The following CDH7 variants were observed in gnomAD, a reference collection of about 807,000 sequenced individuals.
CDH7 encodes cadherin-7.
Under a neutral mutation model 71.8 loss-of-function variants are expected in CDH7, and 25 were observed. The ratio of observed to expected loss-of-function variants is 0.35; its 90% CI spans 0.25 to 0.49. CDH7 has a LOEUF of 0.49. Among genes scored for constraint, CDH7 ranks in the 20% least tolerant of loss-of-function variants. The pLI, the probability that CDH7 is intolerant of heterozygous loss-of-function variation, is 0.99. For missense variants in CDH7, 862 were observed against 974.6 expected (o/e 0.88, Z 1.54); for synonymous variants, 381 against 363.8 (o/e 1.05, Z -0.54).
At chr18:65,781,819 C>CTTCCTTCCTTCCTTCT (rs1491280674) in intron 2 of CDH7, among the ~76,000 whole-genome samples, 1 of 43,924 alleles carries the variant, frequency 2.3e-5, no homozygotes, top group East Asian at 8.6e-4. Context: ...TCCTTCCTTC[C>CTTCCTTCCTTCCTTCT]TTCTTTCTTT....
chr18:65,755,272 A>T (rs916201192), intron 1 of CDH7, among the ~76,000 whole-genome samples: 1 of 152,174 alleles, frequency 6.6e-6, no homozygotes, highest in East Asian at 1.9e-4. Context: ...TTTCACTGGG[A>T]ATCTGTAGAT....
At chr18:65,811,789 G>A (rs2143911615) in intron 3 of CDH7, among the ~76,000 whole-genome samples, 1 of 152,036 alleles carries the variant, frequency 6.6e-6, no homozygotes, top group South Asian at 2.1e-4. Context: ...ATAGATATGT[G>A]AACTTTTTGT....
In CDH7 at chr18:65,822,135, T is replaced by C; in HGVS notation, c.680T>C (p.Leu227Ser). Residue 227 changes from leucine to serine, a missense_variant, in exon 5 of 12, where the codon TTG (leucine) becomes TCG (serine). Physicochemically the swap from Leu to Ser is moderately radical, Grantham distance 145. Coordinates refer to ENST00000397968, the MANE Select transcript of CDH7 (RefSeq NM_004361.5). The stretch of plus-strand genomic sequence containing the variant: ...GATAGAGAGGCTAAAGACCAGTATT[T>C]GCTTGTCATTCAGGCAAAGGATATG... Reference protein sequence around the residue: ...NMDREAKDQYLLVIQAKDMVG... With the variant: ...NMDREAKDQYSLVIQAKDMVG... 6.2e-7 allele frequency: 1 copy of C among 1,613,070 alleles called. No individual in the cohort carries two copies. The highest frequency in any genetic ancestry group is 8.5e-7 in the Non-Finnish European group (1 of 1,179,124).
chr18:65,781,772 TTCC>T lies in CDH7; in HGVS notation c.210+18722_210+18724del, dbSNP rs1910206281. Among the ~76,000 whole-genome samples, 711 of 75,626 alleles carry T rather than the reference TTCC, an allele frequency of 9.4e-3. 39 individuals are homozygous for T. The highest frequency in any genetic ancestry group is 0.026 in the African/African-American group (477 of 18,586). The allele number at this position is 75,626 out of a possible 152,430, so 49.6% of individuals were successfully genotyped here. ...TTGATTTCTTTCTTTCTTTCTTTCC[TTCC>T]TTCCTTCCTTCCTTCCTTCCTTCCT... On this transcript the variant is annotated intron_variant, in intron 2 of 11. Transcript: ENST00000397968.
chr18:65,859,192 C>T (rs1913473187), intron 9 of CDH7, 146 bp downstream of exon 9: 1 of 711,276 alleles, frequency 1.4e-6, no homozygotes, highest in South Asian at 1.9e-5. Flanking sequence ...GTAGCATGAA[C>T]TAATATTAAA....
chr18:65,861,331 GTGTGTGTT>G (rs1335620487), intron 10 of CDH7, among the ~76,000 whole-genome samples: 1,099 of 17,690 alleles, frequency 0.062, 13 homozygotes, highest in South Asian at 0.1. Flanking sequence ...CACCGTGTGT[GTGTGTGTT>G]TGTGTGTGTG....
At chr18:65,817,017 A>G (rs1911747490) in intron 4 of CDH7, among the ~76,000 whole-genome samples, 2 of 152,308 alleles carry the variant, frequency 1.3e-5, no homozygotes, top group East Asian at 1.9e-4. Context: ...CGTAGCTTAA[A>G]CTGAACATGC....
chr18:65,784,658 C>A (rs1454346114), intron 2 of CDH7, among the ~76,000 whole-genome samples: 3 of 152,108 alleles, frequency 2.0e-5, no homozygotes, highest in Non-Finnish European at 4.4e-5. Context: ...TTTCATTCCA[C>A]AGTATTCTTT....
chr18:65,855,426 T>A (rs10782020), intron 7 of CDH7, among the ~76,000 whole-genome samples: 116,108 of 151,138 alleles, frequency 0.77, 44,748 homozygotes, highest in East Asian at 0.93. Flanking sequence ...AAACATAAAA[T>A]GCAGAATAAG....
At chr18:65,796,844 A>C (rs1599012637) in intron 2 of CDH7, among the ~76,000 whole-genome samples, 1 of 152,204 alleles carries the variant, frequency 6.6e-6, no homozygotes, top group Admixed American at 6.5e-5. Flanking sequence ...TGGACTAATA[A>C]ATAATCGAAT....
In CDH7 at chr18:65,822,228, A is replaced by T. The variant is rs1190907802; in HGVS notation, c.773A>T (p.Asn258Ile). 2.5e-6 allele frequency: 4 copies of T among 1,610,128 alleles called. No homozygotes were observed. The highest frequency in any genetic ancestry group is 3.4e-6 in the Non-Finnish European group (4 of 1,176,976). ...VTVTLTDVND[N>I]PPRFPRRSYQ... is the part of the protein sequence containing the mutation. Reference sequence around the variant, plus strand: ...GTGACCCTAACTGATGTCAACGATAATCCACCTCGCTTTCCTCGAAGTAAG... The same window carrying T: ...GTGACCCTAACTGATGTCAACGATATTCCACCTCGCTTTCCTCGAAGTAAG... Residue 258 changes from asparagine to isoleucine, a missense_variant, in exon 5 of 12, where the codon AAT becomes ATT. Transcript: ENST00000397968.
intron 1 of CDH7, among the ~76,000 whole-genome samples, chr18:65,751,940 T>A (rs903549292): frequency 1.3e-5 from 2 of 152,186 alleles, no homozygotes; most frequent in Non-Finnish European, 2.9e-5. Context: ...ATTTCTTAAA[T>A]GTCATAGTTC....
intron 10 of CDH7, 67 bp downstream of exon 10, chr18:65,859,892 C>A: frequency 1.1e-6 from 1 of 927,268 alleles, no homozygotes; most frequent in Non-Finnish European, 1.8e-6. Flanking sequence ...TATTTTTCTC[C>A]CCAGGAATGC....
At chr18:65,765,577 A>G (rs1288815987) in intron 2 of CDH7, among the ~76,000 whole-genome samples, 1 of 152,018 alleles carries the variant, frequency 6.6e-6, no homozygotes, top group African/African-American at 2.4e-5. Flanking sequence ...AGATAATCAT[A>G]GAAAGAAAAA....
At position 65,781,937 on chromosome 18, in the gene CDH7, TC is replaced by T. The variant is rs1446115479; in HGVS notation, c.210+18886del. Among the ~76,000 whole-genome samples the T allele has an allele frequency of 1.6e-4, 19 of 116,658 alleles. 1 individual carries two copies. Among genetic ancestry groups the T allele is most frequent in the Admixed American group, 3.2e-4 (4 of 12,626 alleles). 76.5% of individuals were successfully genotyped at this position (116,658 alleles called of 152,430 possible). A position where few individuals can be genotyped will look rare whatever the true frequency, so the allele number is the denominator to read the frequency against. ...CTTTCTCTCTTTCTCTCTCTCTCTCTCTCTCTCTTTCTCTCTTTCTCTCTTT... is the reference window on the plus strand; with the variant it reads ...CTTTCTCTCTTTCTCTCTCTCTCTCTTCTCTCTTTCTCTCTTTCTCTCTTT... On this transcript the variant is annotated intron_variant, in intron 2 of 11. Transcript: ENST00000397968.
intron 6 of CDH7, among the ~76,000 whole-genome samples, chr18:65,827,434 A>G (rs546273848): frequency 2.0e-5 from 3 of 152,034 alleles, no homozygotes; most frequent in Admixed American, 2.0e-4. Context: ...ACTATGGAGA[A>G]CCAAACAGAC....
In CDH7 at chr18:65,876,293, G is replaced by C. The variant is rs1914070528; in HGVS notation, c.1865-4108G>C. 2.0e-5 allele frequency among the ~76,000 whole-genome samples: 3 copies of C among 152,284 alleles called. No homozygotes were observed. The South Asian group carries it at 6.2e-4, about 32-fold the overall frequency. On this transcript the variant is annotated intron_variant, in intron 11 of 11. Transcript: ENST00000397968. ...ATTCCAAAATCAGAAATTTAGGCCTGCATCATACTTTTACTGCTGTAATAG... is the reference window on the plus strand; with the variant it reads ...ATTCCAAAATCAGAAATTTAGGCCTCCATCATACTTTTACTGCTGTAATAG...
intron 6 of CDH7, among the ~76,000 whole-genome samples, chr18:65,830,602 T>G (rs1912306354): frequency 7.5e-5 from 2 of 26,806 alleles, no homozygotes; most frequent in Non-Finnish European, 2.3e-4. Context: ...CCCTCCCCCC[T>G]TCCCTTTCCT....
intron 11 of CDH7, among the ~76,000 whole-genome samples, chr18:65,876,502 T>C (rs1369258167): frequency 6.6e-6 from 1 of 152,168 alleles, no homozygotes; most frequent in African/African-American, 2.4e-5. Flanking sequence ...CCTCTTTCTT[T>C]GCCCTCCAGC....
Sources: gnomAD v4.1 joint callset for allele counts (sites outside exome capture counted in the v4.1 genomes callset) on GRCh38, gnomAD v4.1.1 for gene constraint, MANE v1.5 for transcripts, NCBI Gene and HGNC (gene_info 2026-07-23, HGNC 2026-07-21) for gene names.